Variants in MAD1L1 observed in about 807,000 individuals in gnomAD.
MAD1L1 encodes the protein mitotic arrest deficient 1 like 1.
MAD1L1 carries 95 observed loss-of-function variants against 96.9 expected under a neutral mutation model. The observed-to-expected ratio is 0.98, with a 90% CI of 0.83 to 1.16. The LOEUF is 1.16. MAD1L1 is among the 50% of genes most tolerant of loss of function. The probability of loss-of-function intolerance (pLI) is 0.00; values close to 1 mark genes in which losing one functional copy is unlikely to be tolerated. For synonymous variants in MAD1L1, 473 were observed against 396.6 expected (o/e 1.19, Z -2.29); for missense variants, 1,007 against 954.4 (o/e 1.06, Z -0.73).
intron 12 of MAD1L1, among the ~76,000 whole-genome samples, chr7:2,042,196 T>C (rs1017055209): frequency 5.0e-4 from 74 of 146,936 alleles, no homozygotes; most frequent in African/African-American, 1.8e-3. Flanking sequence ...CACACGCACA[T>C]GGACACAGAC....
chr7:1,923,251 A>C (rs572557205), intron 17 of MAD1L1, among the ~76,000 whole-genome samples: 1 of 152,306 alleles, frequency 6.6e-6, no homozygotes, highest in South Asian at 2.1e-4. Flanking sequence ...CTGTGGTTGA[A>C]GCTTGCTGGA....
At chr7:1,952,728 C>G (rs116285221) in intron 16 of MAD1L1, among the ~76,000 whole-genome samples, 1 of 152,192 alleles carries the variant, frequency 6.6e-6, no homozygotes, top group Non-Finnish European at 1.5e-5. Context: ...CCTCAGGGCA[C>G]AGAGAGGAGC....
At chr7:2,060,635 C>T (rs970880951) in intron 12 of MAD1L1, among the ~76,000 whole-genome samples, 11 of 152,188 alleles carry the variant, frequency 7.2e-5, no homozygotes, top group African/African-American at 2.7e-4. Flanking sequence ...AAAAAGAGCC[C>T]ATGGAACACA....
intron 11 of MAD1L1, among the ~76,000 whole-genome samples, chr7:2,079,482 G>A (rs1466806760): frequency 6.6e-6 from 1 of 152,144 alleles, no homozygotes; most frequent in Non-Finnish European, 1.5e-5. Flanking sequence ...CTGGCCTCCC[G>A]GTCACTTCTC....
At chr7:2,199,123 A>G (rs1792148597) in intron 10 of MAD1L1, among the ~76,000 whole-genome samples, 2 of 152,200 alleles carry the variant, frequency 1.3e-5, no homozygotes, top group African/African-American at 2.4e-5. Context: ...CTCCACCTGC[A>G]CGGAGATGCC....
intron 14 of MAD1L1, among the ~76,000 whole-genome samples, chr7:1,984,370 T>C (rs1781052834): frequency 6.6e-6 from 1 of 152,270 alleles, no homozygotes; most frequent in African/African-American, 2.4e-5. Context: ...ATGTTTTCTA[T>C]GCACTCCTTT....
intron 12 of MAD1L1, among the ~76,000 whole-genome samples, chr7:2,068,593 G>C (rs1207138077): frequency 1.3e-5 from 2 of 151,962 alleles, no homozygotes; most frequent in African/African-American, 4.8e-5. Flanking sequence ...AGAGCATCTG[G>C]GGACAGATTG....
chr7:1,971,501 T>C (rs1195130632), intron 15 of MAD1L1, among the ~76,000 whole-genome samples: 1 of 152,120 alleles, frequency 6.6e-6, no homozygotes, highest in African/African-American at 2.4e-5. Context: ...TGTTATAATA[T>C]ATAGTGGAGA....
intron 18 of MAD1L1, among the ~76,000 whole-genome samples, chr7:1,894,218 T>C (rs1786725544): frequency 6.6e-6 from 1 of 152,188 alleles, no homozygotes; most frequent in Non-Finnish European, 1.5e-5. Flanking sequence ...TCTAGCGCTG[T>C]CTTCTTGGAA....
intron 11 of MAD1L1, among the ~76,000 whole-genome samples, chr7:2,091,097 G>C (rs892689319): frequency 2.0e-5 from 3 of 152,180 alleles, no homozygotes; most frequent in African/African-American, 7.2e-5. Context: ...CCACAGGAAT[G>C]CTTTCCTCTG....
At position 2,020,040 on chromosome 7, in the gene MAD1L1, C is replaced by G. The variant is rs533794691; in HGVS notation, c.1219-5398G>C. Among the ~76,000 whole-genome samples, 3 of 152,374 alleles carry G rather than the reference C, an allele frequency of 2.0e-5. No individual in the cohort carries two copies. In the South Asian group the frequency reaches 6.2e-4, roughly 32 times the overall value. On this transcript the variant is annotated intron_variant, in intron 12 of 18. Transcript: ENST00000265854. Reference sequence around the variant, plus strand: ...TCATTTGATCTTCAGAACCGCCAGGCAGGCACAGGGCTGAGGGAAGAGGAC... The same window carrying G: ...TCATTTGATCTTCAGAACCGCCAGGGAGGCACAGGGCTGAGGGAAGAGGAC...
intron 15 of MAD1L1, among the ~76,000 whole-genome samples, chr7:1,962,813 G>C (rs779691664): frequency 2.0e-4 from 31 of 152,222 alleles, no homozygotes; most frequent in Non-Finnish European, 2.9e-4. Context: ...CGGGTGTGGT[G>C]GTGCACACCT....
chr7:1,928,737 G>C (rs1163413158), intron 17 of MAD1L1, among the ~76,000 whole-genome samples: 1 of 152,234 alleles, frequency 6.6e-6, no homozygotes. Flanking sequence ...GCCCTGCCCA[G>C]GTGGCACGGG....
At chr7:1,990,128 C>T (rs1387396099) in intron 14 of MAD1L1, among the ~76,000 whole-genome samples, 1 of 152,242 alleles carries the variant, frequency 6.6e-6, no homozygotes, top group Non-Finnish European at 1.5e-5. Flanking sequence ...GCCGCCTCAT[C>T]GCCAACTCAC....
chr7:2,166,170 C>T (rs2049445288), intron 10 of MAD1L1, among the ~76,000 whole-genome samples: 1 of 152,222 alleles, frequency 6.6e-6, no homozygotes, highest in African/African-American at 2.4e-5. Context: ...GATCCCGCCG[C>T]AGCCCTGGAC....
chr7:1,978,921 GGCAGAT>G (rs1285536419), intron 15 of MAD1L1, among the ~76,000 whole-genome samples: 6 of 152,182 alleles, frequency 3.9e-5, no homozygotes, highest in African/African-American at 1.4e-4. Context: ...CTCAGACTCC[GGCAGAT>G]CCCAGAGAGG....
intron 15 of MAD1L1, among the ~76,000 whole-genome samples, chr7:1,976,428 C>A (rs895954565): frequency 2.6e-4 from 40 of 152,046 alleles, no homozygotes; most frequent in Non-Finnish European, 5.6e-4. Context: ...CTTAAGGCAG[C>A]ACGTCTGGAG....
At chr7:2,209,178 G>T (rs1242871212) in intron 10 of MAD1L1, among the ~76,000 whole-genome samples, 3 of 152,152 alleles carry the variant, frequency 2.0e-5, no homozygotes, top group Admixed American at 1.3e-4. Flanking sequence ...CGTTCCACAG[G>T]GTCTTCCCAT....
intron 10 of MAD1L1, among the ~76,000 whole-genome samples, chr7:2,171,982 C>T (rs1193141963): frequency 2.6e-5 from 4 of 152,202 alleles, no homozygotes; most frequent in African/African-American, 9.6e-5. Context: ...ATGGGAAGAG[C>T]ACACGGCAAT....
Sources: allele counts gnomAD v4.1 joint callset (sites outside exome capture counted in the v4.1 genomes callset), GRCh38; gene constraint gnomAD v4.1.1; transcripts MANE v1.5; gene names NCBI Gene and HGNC (gene_info 2026-07-23, HGNC 2026-07-21).